The following UNC13C variants were observed in gnomAD, a reference collection of about 807,000 sequenced individuals.
The protein encoded by UNC13C is unc-13 homolog C, also known as protein unc-13 homolog C.
In UNC13C, 174 loss-of-function variants were observed where a neutral mutation model predicts 245.4. The observed-to-expected ratio is 0.71, with a 90% CI of 0.63 to 0.80. UNC13C has a LOEUF of 0.80. Ranked by LOEUF, UNC13C falls within the 30% of genes least tolerant of loss-of-function variation. The probability of loss-of-function intolerance (pLI) is 0.00; values close to 1 mark genes in which losing one functional copy is unlikely to be tolerated. For missense variants in UNC13C, 2,829 were observed against 2,602.9 expected (o/e 1.09, Z -1.89); for synonymous variants, 992 against 895.1 (o/e 1.11, Z -1.93).
chr15:54,383,222 G>C (rs1298939018), intron 17 of UNC13C, among the ~76,000 whole-genome samples: 2 of 151,320 alleles, frequency 1.3e-5, no homozygotes, highest in East Asian at 3.9e-4. Flanking sequence ...ACTCAAACCA[G>C]ACAAAGATAC....
chr15:54,341,625 C>A (rs923416415), intron 17 of UNC13C, among the ~76,000 whole-genome samples: 2 of 151,938 alleles, frequency 1.3e-5, no homozygotes, highest in Non-Finnish European at 2.9e-5. Flanking sequence ...ATATAGAAAC[C>A]AAATCAAACA....
intron 4 of UNC13C, among the ~76,000 whole-genome samples, chr15:54,211,165 CTG>C (rs1486285775): frequency 6.6e-6 from 1 of 152,114 alleles, no homozygotes; most frequent in Non-Finnish European, 1.5e-5. Flanking sequence ...GAAGTCATCA[CTG>C]TAAATTACGC....
At position 53,991,755 on chromosome 15, in the gene UNC13C, T is replaced by C. The variant is rs898831782; in HGVS notation, c.-257+12828T>C. On this transcript the variant is annotated intron_variant, in intron 1 of 32. Coordinates refer to ENST00000260323, the MANE Select transcript of UNC13C (RefSeq NM_001080534.3). ...CTTATTATGGTAATTGCATCCACAT[T>C]GTTTCTGATAGTTAAACACTACTAC... Among the ~76,000 whole-genome samples, 86 of 152,226 alleles carry C rather than the reference T, an allele frequency of 5.6e-4. 1 individual carries two copies. The highest frequency in any genetic ancestry group is 4.4e-5 in the Non-Finnish European group (3 of 67,984).
the UNC13C span, among the ~76,000 whole-genome samples, chr15:53,870,149 ATAATATAGTT>A: frequency 6.6e-6 from 1 of 152,192 alleles, no homozygotes; most frequent in Non-Finnish European, 1.5e-5. Context: ...TTGTCCTTAT[ATAATATAGTT>A]TTGTCTAAAT....
chr15:54,211,961 G>A (rs937930438), intron 4 of UNC13C, among the ~76,000 whole-genome samples: 1 of 152,036 alleles, frequency 6.6e-6, no homozygotes, highest in Admixed American at 6.6e-5. Flanking sequence ...CGTTTTGCTG[G>A]CTTATTCACT....
At chr15:54,207,713 A>G (rs2140739605) in intron 4 of UNC13C, among the ~76,000 whole-genome samples, 1 of 152,216 alleles carries the variant, frequency 6.6e-6, no homozygotes, top group South Asian at 2.1e-4. Context: ...AGAACACAAT[A>G]TATGTCTTTT....
At chr15:54,284,805 A>G (rs2037098825) in intron 10 of UNC13C, among the ~76,000 whole-genome samples, 1 of 152,106 alleles carries the variant, frequency 6.6e-6, no homozygotes, top group South Asian at 2.1e-4. Context: ...TAATTTTGAT[A>G]GTATTTTAAA....
At chr15:54,338,532 C>A in intron 17 of UNC13C, 43 bp downstream of exon 17, 3 of 1,600,554 alleles carry the variant, frequency 1.9e-6, no homozygotes, top group South Asian at 1.1e-5. Flanking sequence ...ACTTTTGTTT[C>A]TAGTATCTGT....
At chr15:54,079,844 A>G (rs535883776) in intron 2 of UNC13C, among the ~76,000 whole-genome samples, 14 of 151,954 alleles carry the variant, frequency 9.2e-5, no homozygotes, top group Non-Finnish European at 2.1e-4. Context: ...TTCCGGTACT[A>G]TGCTGAATAG....
At chr15:53,906,170 C>T in the UNC13C span, among the ~76,000 whole-genome samples, 1 of 151,962 alleles carries the variant, frequency 6.6e-6, no homozygotes, top group African/African-American at 2.4e-5. Context: ...CTTGTCCCTA[C>T]AAAAAATTAG....
At chr15:54,305,510 A>T (rs1199891159) in intron 13 of UNC13C, among the ~76,000 whole-genome samples, 1 of 152,058 alleles carries the variant, frequency 6.6e-6, no homozygotes, top group African/African-American at 2.4e-5. Context: ...CTCAACTGAA[A>T]AAAAAACTGT....
intron 6 of UNC13C, among the ~76,000 whole-genome samples, chr15:54,236,924 G>A (rs1462708312): frequency 1.3e-5 from 2 of 152,092 alleles, no homozygotes; most frequent in African/African-American, 4.8e-5. Context: ...TGGAGGTTCT[G>A]ATTTCCAACG....
intron 2 of UNC13C, among the ~76,000 whole-genome samples, chr15:54,087,849 AG>A (rs1249378922): frequency 3.3e-5 from 5 of 152,220 alleles, no homozygotes; most frequent in African/African-American, 1.2e-4. Flanking sequence ...TTCCTGATTG[AG>A]GAAATTATCA....
chr15:53,946,395 T>G, the UNC13C span, among the ~76,000 whole-genome samples: 2 of 152,054 alleles, frequency 1.3e-5, no homozygotes, highest in Admixed American at 6.6e-5. Context: ...AGATGGCTCT[T>G]ATGATTTTGA....
At chr15:54,132,074 C>CTTTTTTTTTTTTTTTTTTTTT (rs1555420957) in intron 2 of UNC13C, among the ~76,000 whole-genome samples, 1 of 110,646 alleles carries the variant, frequency 9.0e-6, no homozygotes, top group African/African-American at 3.2e-5. Flanking sequence ...TTTTCTTTTT[C>CTTTTTTTTTTTTTTTTTTTTT]TTTTTTTTTT....
chr15:54,417,007 A>T (rs1346222156), intron 19 of UNC13C: 1 of 456,336 alleles, frequency 2.2e-6, no homozygotes, highest in African/African-American at 2.0e-5. Flanking sequence ...CTCAGAGAAG[A>T]TTTCCCTCAC....
intron 18 of UNC13C, among the ~76,000 whole-genome samples, chr15:54,399,968 A>G (rs1360084509): frequency 6.6e-6 from 1 of 152,014 alleles, no homozygotes. Flanking sequence ...ACTATAAAGT[A>G]CAGAGACTAT....
chr15:54,241,228 A>G (rs1438126422), intron 7 of UNC13C, among the ~76,000 whole-genome samples: 2 of 152,178 alleles, frequency 1.3e-5, no homozygotes, highest in African/African-American at 4.8e-5. Flanking sequence ...TAAGGCTGGC[A>G]GGCTTCTAGG....
Position 54,339,644 on chromosome 15 carries a change from T to C in UNC13C, c.4713+1155T>C, listed in dbSNP as rs993468156. On this transcript the variant is annotated intron_variant, in intron 17 of 32. Coordinates refer to ENST00000260323, the MANE Select transcript of UNC13C (RefSeq NM_001080534.3). ...AGTAGTATTCCATTATGTGGAGATA[T>C]ATATATATATATATATATATCACAG... 3.1e-4 allele frequency among the ~76,000 whole-genome samples: 3 copies of C among 9,834 alleles called. No individual in the cohort carries two copies. The South Asian group carries it at 0.013, about 41-fold the overall frequency. 6.5% of individuals were successfully genotyped at this position (9,834 alleles called of 152,430 possible).
Sources: gnomAD v4.1 joint callset for allele counts (sites outside exome capture counted in the v4.1 genomes callset) on GRCh38, gnomAD v4.1.1 for gene constraint, MANE v1.5 for transcripts, NCBI Gene and HGNC (gene_info 2026-07-23, HGNC 2026-07-21) for gene names.